The following ABLIM2 variants were observed in gnomAD, a reference collection of about 807,000 sequenced individuals.
ABLIM2 encodes the protein actin binding LIM protein family member 2, also known as actin-binding LIM protein 2.
Under a neutral mutation model 97.7 loss-of-function variants are expected in ABLIM2, and 53 were observed. The observed-to-expected ratio is 0.54, with a 90% CI of 0.44 to 0.68. ABLIM2 has a LOEUF of 0.68. Among genes scored for constraint, ABLIM2 ranks in the 30% least tolerant of loss-of-function variants. ABLIM2 has a pLI of 0.00. For synonymous variants in ABLIM2, 361 were observed against 345.8 expected (o/e 1.04, Z -0.49); for missense variants, 835 against 867.2 (o/e 0.96, Z 0.47).
At chr4:8,106,774 C>G in intron 1 of ABLIM2, 137 bp from the exon 2 acceptor site, 1 of 1,097,326 alleles carries the variant, frequency 9.1e-7, no homozygotes, top group Non-Finnish European at 1.3e-6. Flanking sequence ...CACGGGGCAT[C>G]GGGGTCGGTC....
chr4:8,157,330 C>A (rs1715687687), intron 1 of ABLIM2, among the ~76,000 whole-genome samples: 1 of 152,234 alleles, frequency 6.6e-6, no homozygotes, highest in South Asian at 2.1e-4. Flanking sequence ...CAGCCATTAT[C>A]CCCACCTGCC....
chr4:8,143,350 C>G (rs1240864468), intron 1 of ABLIM2, among the ~76,000 whole-genome samples: 1 of 152,212 alleles, frequency 6.6e-6, no homozygotes, highest in African/African-American at 2.4e-5. Context: ...TGAGCACGTA[C>G]TACCAGCCAG....
chr4:8,102,713 A>G (rs1835286842), intron 2 of ABLIM2, among the ~76,000 whole-genome samples: 1 of 152,192 alleles, frequency 6.6e-6, no homozygotes, highest in Non-Finnish European at 1.5e-5. Flanking sequence ...AGGCACAAGT[A>G]AGTGCCTGGG....
At chr4:8,109,601 A>G (rs972580979) in intron 1 of ABLIM2, among the ~76,000 whole-genome samples, 7 of 152,106 alleles carry the variant, frequency 4.6e-5, no homozygotes, top group African/African-American at 1.7e-4. Context: ...CTGCCCACGG[A>G]TGGAACTGTG....
rs925771216 is a variant in ABLIM2, at chr4:7,999,281, C to A, written c.1619-6354G>T. 5.3e-5 allele frequency among the ~76,000 whole-genome samples: 8 copies of A among 152,106 alleles called. No homozygotes were observed. Among genetic ancestry groups the A allele is most frequent in the African/African-American group, 1.9e-4 (8 of 41,400 alleles). On this transcript the variant is annotated intron_variant, in intron 16 of 20. Transcript: ENST00000447017. The surrounding 1 kb of genome is among the most constrained non-coding windows in gnomAD (Gnocchi z 4.4). ...TCCATGTTGGTCAGGCTATCTCGAACTCCCGACCTCAGGTGATCTGCCTGC... is the reference window on the plus strand; with the variant it reads ...TCCATGTTGGTCAGGCTATCTCGAAATCCCGACCTCAGGTGATCTGCCTGC...
rs1800631001 is a variant in ABLIM2, at chr4:8,058,296, G to T, written c.763+2671C>A. Among the ~76,000 whole-genome samples the T allele has an allele frequency of 6.6e-6, 1 of 152,190 alleles. No homozygotes were observed. The highest frequency in any genetic ancestry group is 1.5e-5 in the Non-Finnish European group (1 of 68,038). ...ACCCTTTGACGGGCTCTCGAGCAGA[G>T]ACTCAAGGAACAGGCGACACCGGGG... On this transcript the variant is annotated intron_variant, in intron 7 of 20. Coordinates refer to ENST00000447017, the MANE Select transcript of ABLIM2 (RefSeq NM_001130083.2). The surrounding 1 kb of genome is among the most constrained non-coding windows in gnomAD (Gnocchi z 4.2).
chr4:8,154,122 C>T (rs772940309), intron 1 of ABLIM2, among the ~76,000 whole-genome samples: 6 of 151,694 alleles, frequency 4.0e-5, no homozygotes, highest in Admixed American at 6.6e-5. Context: ...GCCACCACGC[C>T]CAGCTAATTT....
chr4:7,969,395 A>G (rs1043333770), intron 20 of ABLIM2, among the ~76,000 whole-genome samples: 3 of 152,092 alleles, frequency 2.0e-5, no homozygotes, highest in African/African-American at 7.2e-5. Context: ...TTGAAGCTGC[A>G]GTGAGCTGTG....
rs1403546660 is a variant in ABLIM2 at position 8,007,989 on chromosome 4, A to C, written c.1618+70T>G. 2.5e-6 allele frequency: 4 copies of C among 1,589,648 alleles called. No homozygotes were observed. In the African/African-American group the frequency reaches 5.4e-5, roughly 21 times the overall value. ...GCTTAGATGTAGGGGGATAGCTCTGAGTTCTGGGGCCTCTTTGCCGCGAGG... is the reference window on the plus strand; with the variant it reads ...GCTTAGATGTAGGGGGATAGCTCTGCGTTCTGGGGCCTCTTTGCCGCGAGG... On this transcript the variant is annotated intron_variant, in intron 16 of 20. Coordinates refer to ENST00000447017, the MANE Select transcript of ABLIM2 (RefSeq NM_001130083.2).
intron 5 of ABLIM2, among the ~76,000 whole-genome samples, chr4:8,079,753 C>T (rs1193436941): frequency 6.7e-6 from 1 of 149,580 alleles, no homozygotes; most frequent in Non-Finnish European, 1.5e-5. Flanking sequence ...CATGCATATG[C>T]GTGCGTGCGT....
chr4:8,082,624 A>G lies in ABLIM2; in HGVS notation c.455-1822T>C, dbSNP rs1362151719. Among the ~76,000 whole-genome samples, 1 of 152,270 alleles carries G rather than the reference A, an allele frequency of 6.6e-6. No homozygotes were observed. Among genetic ancestry groups the G allele is most frequent in the African/African-American group, 2.4e-5 (1 of 41,478 alleles). On this transcript the variant is annotated intron_variant, in intron 4 of 20. Coordinates refer to ENST00000447017, the MANE Select transcript of ABLIM2 (RefSeq NM_001130083.2). The surrounding 1 kb of genome is among the most constrained non-coding windows in gnomAD (Gnocchi z 5.6). ...AAGTGACCACACTGTGCACATTCAC[A>G]TGCTACTTTGGAAAACAGCCAGAGA...
Position 8,005,263 on chromosome 4 carries a change from T to C in ABLIM2, c.1618+2796A>G, listed in dbSNP as rs771494131. ...TTCTCCAGGTCAGGGGCTGCTCTTGTCTTCTCTGTCCCCCTCGGCGCCCCG... is the reference window on the plus strand; with the variant it reads ...TTCTCCAGGTCAGGGGCTGCTCTTGCCTTCTCTGTCCCCCTCGGCGCCCCG... On this transcript the variant is annotated intron_variant, in intron 16 of 20. Coordinates refer to ENST00000447017, the MANE Select transcript of ABLIM2 (RefSeq NM_001130083.2). The surrounding 1 kb of genome is among the most constrained non-coding windows in gnomAD (Gnocchi z 4.9). 1.9e-6 allele frequency: 1 copy of C among 518,410 alleles called. No individual in the cohort carries two copies. Among genetic ancestry groups the C allele is most frequent in the Admixed American group, 1.9e-5 (1 of 51,394 alleles). 32.1% of individuals were successfully genotyped at this position (518,410 alleles called of 1,614,324 possible). A position where few individuals can be genotyped will look rare whatever the true frequency, so the allele number is the denominator to read the frequency against.
intron 20 of ABLIM2, among the ~76,000 whole-genome samples, chr4:7,975,888 G>T (rs746010831): frequency 1.3e-5 from 2 of 152,078 alleles, no homozygotes; most frequent in Non-Finnish European, 2.9e-5. Flanking sequence ...GACTTCAGAG[G>T]GCCAAAAACA....
intron 20 of ABLIM2, among the ~76,000 whole-genome samples, chr4:7,972,351 C>T (rs1330314240): frequency 6.6e-6 from 1 of 152,212 alleles, no homozygotes; most frequent in Non-Finnish European, 1.5e-5. Context: ...TCACCAGCAG[C>T]TCTTCGTCAT....
Position 8,150,813 on chromosome 4 carries a change from TG to T in ABLIM2, c.10+7866del, listed in dbSNP as rs1269979849. 6.6e-6 allele frequency among the ~76,000 whole-genome samples: 1 copy of T among 151,900 alleles called. No homozygotes were observed. Among genetic ancestry groups the T allele is most frequent in the Non-Finnish European group, 1.5e-5 (1 of 67,978 alleles). ...TGCAGCCTTGTAACCAGGACTGAGA[TG>T]GGGCTGGCAGGGGAGACAGCAGGAC... On this transcript the variant is annotated intron_variant, in intron 1 of 20. Coordinates refer to ENST00000447017, the MANE Select transcript of ABLIM2 (RefSeq NM_001130083.2). The surrounding 1 kb of genome is among the most constrained non-coding windows in gnomAD (Gnocchi z 6.3).
rs1453313008 is a variant in ABLIM2 at position 8,082,576 on chromosome 4, G to A, written c.455-1774C>T. On this transcript the variant is annotated intron_variant, in intron 4 of 20. Coordinates refer to ENST00000447017, the MANE Select transcript of ABLIM2 (RefSeq NM_001130083.2). This position sits in a 1 kb window ranked among gnomAD's most constrained non-coding sequence, Gnocchi z 5.6. ...AAAACAAACGAACACTCACAAAGCC[G>A]TTGGTCAAGCTCAGGATTTCCTAAG... is the stretch of plus-strand genomic sequence containing the variant. 1.3e-5 allele frequency among the ~76,000 whole-genome samples: 2 copies of A among 152,204 alleles called. No individual in the cohort carries two copies. Among genetic ancestry groups the A allele is most frequent in the African/African-American group, 2.4e-5 (1 of 41,448 alleles).
intron 2 of ABLIM2, among the ~76,000 whole-genome samples, chr4:8,101,590 A>G (rs1834668562): frequency 6.6e-6 from 1 of 152,174 alleles, no homozygotes; most frequent in Non-Finnish European, 1.5e-5. Context: ...TTACATGCGC[A>G]GCTCACGGGC....
chr4:7,982,954 C>T (rs549149874), intron 20 of ABLIM2, among the ~76,000 whole-genome samples: 24 of 152,342 alleles, frequency 1.6e-4, no homozygotes, highest in African/African-American at 5.1e-4. Context: ...CTGCCTGCTT[C>T]AGCCTCCCAA....
intron 8 of ABLIM2, among the ~76,000 whole-genome samples, chr4:8,047,078 A>G (rs1240367357): frequency 1.3e-5 from 2 of 151,982 alleles, no homozygotes; most frequent in East Asian, 3.9e-4. Context: ...CACCTCCTAC[A>G]CTCAGCGCAC....
Sources: allele counts gnomAD v4.1 joint callset (sites outside exome capture counted in the v4.1 genomes callset), GRCh38; gene constraint gnomAD v4.1.1; non-coding constraint Gnocchi (gnomAD v3.1); transcripts MANE v1.5; gene names NCBI Gene and HGNC (gene_info 2026-07-23, HGNC 2026-07-21).